Variants in PFKFB3 observed in about 807,000 individuals in gnomAD.
PFKFB3 encodes 6-phosphofructo-2-kinase/fructose-2,6-biphosphatase 3, also known as 6-phosphofructo-2-kinase/fructose-2,6-bisphosphatase 3.
In PFKFB3, 33 loss-of-function variants were observed where a neutral mutation model predicts 68.0. The observed-to-expected ratio is 0.49, with a 90% confidence interval of 0.37 to 0.65. The LOEUF is 0.65. Among genes scored for constraint, PFKFB3 ranks in the 30% least tolerant of loss-of-function variants. The pLI, the probability that PFKFB3 is intolerant of heterozygous loss-of-function variation, is 0.00. For synonymous variants in PFKFB3, 315 were observed against 288.2 expected (o/e 1.09, Z -0.94); for missense variants, 586 against 712.2 (o/e 0.82, Z 2.02).
chr10:6,158,267 G>A (rs2131702855), intron 1 of PFKFB3, among the ~76,000 whole-genome samples: 1 of 151,710 alleles, frequency 6.6e-6, no homozygotes, highest in African/African-American at 2.4e-5. Context: ...CCAGCCTGGG[G>A]GGACAGAGCA....
chr10:6,279,274 A>C, the PFKFB3 span, among the ~76,000 whole-genome samples: 1 of 152,234 alleles, frequency 6.6e-6, no homozygotes, highest in South Asian at 2.1e-4. Flanking sequence ...TTTTTAAATA[A>C]CAAGTCTTTC....
rs563755179 is a variant in PFKFB3, at chr10:6,248,963, C to T, written c.1516-5215C>T. On this transcript the variant is annotated intron_variant, in intron 14 of 14. Coordinates refer to the PFKFB3 transcript ENST00000640683. ...CCAAGGCAGGCGGATCACCTGAGGT[C>T]GGGAATTCGAGACCAGCTTGACTAA... Among the ~76,000 whole-genome samples the T allele has an allele frequency of 3.3e-5, 5 of 152,080 alleles. No homozygotes were observed. The East Asian group carries it at 5.8e-4, about 18-fold the overall frequency.
chr10:6,280,514 C>T, the PFKFB3 span, among the ~76,000 whole-genome samples: 195 of 152,316 alleles, frequency 1.3e-3, no homozygotes, highest in Non-Finnish European at 2.5e-3. Flanking sequence ...ACCCTTAGAT[C>T]GTGTAATGTC....
At chr10:6,225,135 A>G (rs1272545019) in intron 13 of PFKFB3, 3 of 456,250 alleles carry the variant, frequency 6.6e-6, no homozygotes, top group South Asian at 1.5e-5. Context: ...GTGTTGTGAA[A>G]GTGAGTTTGA....
At chr10:6,151,253 T>C (rs920687839) in intron 1 of PFKFB3, among the ~76,000 whole-genome samples, 26 of 152,068 alleles carry the variant, frequency 1.7e-4, no homozygotes, top group African/African-American at 6.0e-4. Flanking sequence ...AAGGTTCTGG[T>C]TGGGGCAGCC....
rs1190752126 is a variant in PFKFB3, at chr10:6,206,389, C to CT, written c.76+3056dup. 1.9e-3 allele frequency among the ~76,000 whole-genome samples: 258 copies of CT among 132,680 alleles called. 1 individual carries two copies. Among genetic ancestry groups the CT allele is most frequent in the East Asian group, 3.9e-3 (18 of 4,560 alleles). 87.0% of individuals were successfully genotyped at this position (132,680 alleles called of 152,430 possible). A position where few individuals can be genotyped will look rare whatever the true frequency, so the allele number is the denominator to read the frequency against. On this transcript the variant is annotated intron_variant, in intron 1 of 14. Coordinates refer to ENST00000379775, the MANE Select transcript of PFKFB3 (RefSeq NM_004566.4). Reference sequence around the variant, plus strand: ...CACAGCAACCATCCGATTTCTCAATCTTTCCCCGCCCCTTTCCCCCCTTTC... The same window carrying CT: ...CACAGCAACCATCCGATTTCTCAATCTTTTCCCCGCCCCTTTCCCCCCTTTC...
At chr10:6,156,929 T>TA (rs1564587031) in intron 1 of PFKFB3, among the ~76,000 whole-genome samples, 1 of 150,884 alleles carries the variant, frequency 6.6e-6, no homozygotes, top group Non-Finnish European at 1.5e-5. Flanking sequence ...TCTTCTCTAC[T>TA]AAAAATACAA....
intron 1 of PFKFB3, among the ~76,000 whole-genome samples, chr10:6,153,841 G>A (rs1475363198): frequency 1.3e-5 from 2 of 151,690 alleles, no homozygotes; most frequent in Admixed American, 6.6e-5. Flanking sequence ...GAGACAGAGC[G>A]AGACTCCATC....
At chr10:6,199,975 G>A (rs776323477), upstream of PFKFB3, among the ~76,000 whole-genome samples, 1 of 151,732 alleles carries the variant, frequency 6.6e-6, no homozygotes, top group Non-Finnish European at 1.5e-5. Context: ...CCTATAATGA[G>A]TCTCCTAGGG....
intron 14 of PFKFB3, among the ~76,000 whole-genome samples, chr10:6,227,377 C>T (rs754001779): frequency 2.0e-5 from 3 of 152,136 alleles, no homozygotes; most frequent in Admixed American, 6.5e-5. Flanking sequence ...GTTGATGAGC[C>T]GGATGCTGGT....
intron 1 of PFKFB3, among the ~76,000 whole-genome samples, chr10:6,147,675 G>C (rs1841435098): frequency 6.6e-6 from 1 of 152,272 alleles, no homozygotes; most frequent in African/African-American, 2.4e-5. Flanking sequence ...AGCCTGCAGA[G>C]AGGGAGCTGG....
chr10:6,289,686 G>A, the PFKFB3 span, among the ~76,000 whole-genome samples: 8 of 152,118 alleles, frequency 5.3e-5, no homozygotes, highest in South Asian at 2.1e-4. Flanking sequence ...TTGGCGATGC[G>A]GGCTCTTTTT....
At position 6,232,952 on chromosome 10, in the gene PFKFB3, G is replaced by A. The variant is rs1285707617; in HGVS notation, c.*10G>A. On this transcript the variant is annotated 3_prime_UTR_variant, in exon 15 of 15. Transcript: ENST00000379775. ...CTCCAGGAAACACTGAGGCAGACGT[G>A]TCGGTTCCATTCCATTTCCATTTCT... The A allele has an allele frequency of 1.9e-6, 3 of 1,607,790 alleles. No individual in the cohort carries two copies. The highest frequency in any genetic ancestry group is 2.6e-6 in the Non-Finnish European group (3 of 1,174,622).
intron 1 of PFKFB3, among the ~76,000 whole-genome samples, chr10:6,168,163 C>T (rs553275814): frequency 6.6e-6 from 1 of 152,316 alleles, no homozygotes; most frequent in East Asian, 1.9e-4. Context: ...AGAGGGGCAG[C>T]TTAGGTAGGG....
chr10:6,223,924 AT>A, intron 11 of PFKFB3, 33 bp from the exon 12 acceptor site: 1 of 1,601,126 alleles, frequency 6.2e-7, no homozygotes, highest in East Asian at 2.2e-5. Context: ...GCCGTGTCTC[AT>A]TTCTAACTGT....
chr10:6,175,990 C>T (rs756554725), intron 1 of PFKFB3, among the ~76,000 whole-genome samples: 8 of 152,222 alleles, frequency 5.3e-5, no homozygotes, highest in Non-Finnish European at 1.0e-4. Context: ...TTGGCGTAGA[C>T]GCATGCACTC....
chr10:6,213,173 C>T (rs988098241), intron 1 of PFKFB3, among the ~76,000 whole-genome samples: 3 of 152,096 alleles, frequency 2.0e-5, no homozygotes, highest in Non-Finnish European at 4.4e-5. Context: ...GGGGCTGTGG[C>T]CACTAGGGTT....
At chr10:6,147,161 G>A (rs1841417685) in intron 1 of PFKFB3, among the ~76,000 whole-genome samples, 1 of 152,240 alleles carries the variant, frequency 6.6e-6, no homozygotes, top group Admixed American at 6.5e-5. Context: ...AGGGGACAAG[G>A]TCCTCCTGTG....
At chr10:6,219,208 A>G (rs1470873313) in intron 6 of PFKFB3, among the ~76,000 whole-genome samples, 1 of 152,218 alleles carries the variant, frequency 6.6e-6, no homozygotes, top group African/African-American at 2.4e-5. Context: ...CACGGGGAGC[A>G]TTGCGGATCC....
Sources: gnomAD v4.1 joint callset for allele counts (sites outside exome capture counted in the v4.1 genomes callset) on GRCh38, gnomAD v4.1.1 for gene constraint, MANE v1.5 for transcripts, NCBI Gene and HGNC (gene_info 2026-07-23, HGNC 2026-07-21) for gene names.